FRYL: variants seen among roughly 807,000 people sequenced by gnomAD.
FRYL encodes protein furry homolog-like.
Under a neutral mutation model 351.2 loss-of-function variants are expected in FRYL, and 150 were observed. The ratio of observed to expected loss-of-function variants is 0.43; its 90% CI spans 0.37 to 0.49. The LOEUF is 0.49. Ranked by LOEUF, FRYL falls within the 20% of genes least tolerant of loss-of-function variation. FRYL has a pLI of 0.00. For missense variants in FRYL, 3,036 were observed against 3,619.3 expected (o/e 0.84, Z 4.13); for synonymous variants, 1,153 against 1,257.1 (o/e 0.92, Z 1.75).
intron 3 of FRYL, among the ~76,000 whole-genome samples, chr4:48,646,519 GA>G (rs1343189499): frequency 6.6e-6 from 1 of 152,164 alleles, no homozygotes; most frequent in Admixed American, 6.6e-5. Flanking sequence ...AACAGACTAG[GA>G]AGAATAACCA....
intron 3 of FRYL, among the ~76,000 whole-genome samples, chr4:48,657,656 C>T (rs1759530903): frequency 2.0e-5 from 3 of 152,164 alleles, no homozygotes; most frequent in Admixed American, 2.0e-4. Context: ...TTCTTGATGG[C>T]ATATCCTTGG....
At chr4:48,557,377 C>T (rs1054082675) in intron 34 of FRYL, 76 bp downstream of exon 34, 27 of 1,543,914 alleles carry the variant, frequency 1.7e-5, no homozygotes, top group Non-Finnish European at 2.4e-5. Flanking sequence ...ATTATGGAAC[C>T]TCTTCATCTG....
intron 5 of FRYL, among the ~76,000 whole-genome samples, 190 bp downstream of exon 5, chr4:48,622,936 C>T (rs942089554): frequency 4.6e-5 from 7 of 151,818 alleles, no homozygotes; most frequent in Non-Finnish European, 1.0e-4. Flanking sequence ...CTGTAAAATG[C>T]TAAATGAAGT....
intron 2 of FRYL, among the ~76,000 whole-genome samples, chr4:48,697,552 T>C (rs1324708881): frequency 6.6e-6 from 1 of 152,200 alleles, no homozygotes; most frequent in Non-Finnish European, 1.5e-5. Flanking sequence ...GTGTCTCAGC[T>C]TACTGCAACC....
intron 7 of FRYL, among the ~76,000 whole-genome samples, chr4:48,615,122 G>A (rs988725237): frequency 2.6e-5 from 4 of 152,056 alleles, no homozygotes; most frequent in African/African-American, 4.8e-5. Context: ...CACCGCGCCC[G>A]GCCAGTTTAA....
chr4:48,724,618 TCTC>T (rs555222296), intron 1 of FRYL, among the ~76,000 whole-genome samples: 101 of 152,138 alleles, frequency 6.6e-4, no homozygotes, highest in Non-Finnish European at 1.2e-3. Flanking sequence ...CCCAACATCA[TCTC>T]CTGGGTCACA....
rs193283937 is a variant in FRYL, at chr4:48,577,208, G to C, written c.2529-986C>G. Among the ~76,000 whole-genome samples the C allele has an allele frequency of 1.7e-3, 255 of 152,182 alleles. 1 individual carries two copies. Among genetic ancestry groups the C allele is most frequent in the African/African-American group, 6.0e-3 (248 of 41,532 alleles). Reference sequence around the variant, plus strand: ...GTCAAAGAAGATACATATTTTCAAGGCTTCTGCCAAATTTCTGTCTTGAAA... The same window carrying C: ...GTCAAAGAAGATACATATTTTCAAGCCTTCTGCCAAATTTCTGTCTTGAAA... On this transcript the variant is annotated intron_variant, in intron 23 of 63. Coordinates refer to ENST00000358350, the MANE Select transcript of FRYL (RefSeq NM_015030.2).
intron 3 of FRYL, among the ~76,000 whole-genome samples, 189 bp from the exon 4 acceptor site, chr4:48,634,679 T>C (rs1753883700): frequency 6.6e-6 from 1 of 152,184 alleles, no homozygotes; most frequent in African/African-American, 2.4e-5. Context: ...ATCATGTATA[T>C]TATGTACTGT....
At chr4:48,776,620 A>G (rs577205758) in intron 1 of FRYL, among the ~76,000 whole-genome samples, 2 of 152,218 alleles carry the variant, frequency 1.3e-5, no homozygotes, top group Non-Finnish European at 2.9e-5. Context: ...TTACAGGAGC[A>G]AAAACAAAGA....
At chr4:48,539,043 A>G (rs908232515) in intron 47 of FRYL, among the ~76,000 whole-genome samples, 2 of 152,194 alleles carry the variant, frequency 1.3e-5, no homozygotes, top group Non-Finnish European at 2.9e-5. Flanking sequence ...AACACTTTTA[A>G]ACAAATGTTA....
chr4:48,564,195 A>G (rs931714843), intron 30 of FRYL, 93 bp from the exon 31 acceptor site: 2 of 1,248,340 alleles, frequency 1.6e-6, no homozygotes, highest in Admixed American at 2.6e-5. Context: ...TAGTGCATAT[A>G]TTCATTGTAA....
chr4:48,512,665 C>T lies in FRYL; in HGVS notation c.7961G>A (p.Gly2654Asp), dbSNP rs188348970. The T allele has an allele frequency of 1.2e-6, 2 of 1,613,554 alleles. No homozygotes were observed. The highest frequency in any genetic ancestry group is 3.3e-5 in the Admixed American group (2 of 59,998). Residue 2654 changes from glycine to aspartate, a missense_variant, in exon 57 of 64, where the codon GGT (glycine) becomes GAT (aspartate). This residue lies in a region of FRYL where 1,987 missense variants were observed against 2,311.7 expected (regional missense o/e 0.86). Coordinates refer to ENST00000358350, the MANE Select transcript of FRYL (RefSeq NM_015030.2). ...AGGCGACGTCTGTACTTCTGGAAAA[C>T]CATCTTGCTCTTCTTCATCTTGACT... The part of the protein sequence containing the change: ...LSSQDEEEQD[G>D]FPEVQTSPLP...
chr4:48,621,284 T>G (rs550607569), intron 5 of FRYL, among the ~76,000 whole-genome samples: 1 of 152,346 alleles, frequency 6.6e-6, no homozygotes, highest in South Asian at 2.1e-4. Flanking sequence ...TACTCTGCTA[T>G]CTGCAAATTA....
At chr4:48,638,322 A>G (rs557125420) in intron 3 of FRYL, 1 of 152,308 alleles carries the variant, frequency 6.6e-6, no homozygotes, top group South Asian at 2.1e-4. Context: ...AAAAATTTTG[A>G]TGATTACCTA....
At chr4:48,711,244 G>A (rs1039208713) in intron 1 of FRYL, among the ~76,000 whole-genome samples, 12 of 152,380 alleles carry the variant, frequency 7.9e-5, no homozygotes, top group Non-Finnish European at 1.0e-4. Flanking sequence ...CCGTGCGCGA[G>A]CCGAAGCAGG....
chr4:48,504,755 G>C (rs1156816974), intron 60 of FRYL, among the ~76,000 whole-genome samples: 1 of 152,096 alleles, frequency 6.6e-6, no homozygotes, highest in Non-Finnish European at 1.5e-5. Context: ...AGAAACTATA[G>C]AGGCTGGCAA....
At chr4:48,587,022 T>C (rs905233113) in intron 18 of FRYL, among the ~76,000 whole-genome samples, 6 of 151,736 alleles carry the variant, frequency 4.0e-5, no homozygotes, top group Non-Finnish European at 8.8e-5. Flanking sequence ...TAATTAATCT[T>C]ATTAATATTT....
chr4:48,746,920 C>T (rs1772742229), intron 1 of FRYL, among the ~76,000 whole-genome samples: 1 of 152,184 alleles, frequency 6.6e-6, no homozygotes, highest in African/African-American at 2.4e-5. Context: ...AGACAACCCA[C>T]GTGAGAAATG....
chr4:48,596,833 T>C (rs1257930260), intron 13 of FRYL, among the ~76,000 whole-genome samples: 1 of 152,096 alleles, frequency 6.6e-6, no homozygotes, highest in Non-Finnish European at 1.5e-5. Context: ...ACCAATAATT[T>C]TGAAATGTAG....
Sources: gnomAD v4.1 joint callset for allele counts (sites outside exome capture counted in the v4.1 genomes callset) on GRCh38, gnomAD v4.1.1 for gene constraint, gnomAD v4.1.1 regional missense constraint, MANE v1.5 for transcripts, NCBI Gene and HGNC (gene_info 2026-07-23, HGNC 2026-07-21) for gene names.